Variants in SUGCT observed in about 807,000 individuals in gnomAD.
The protein encoded by SUGCT is succinyl-CoA:glutarate-CoA transferase, also known as succinyl-CoA:glutarate CoA-transferase.
SUGCT carries 41 observed loss-of-function variants against 55.0 expected under a neutral mutation model. That is an observed-to-expected ratio of 0.74 (90% CI 0.58 to 0.97). The LOEUF (loss-of-function observed/expected upper bound fraction) is 0.97. Ranked by LOEUF, SUGCT falls within the 50% of genes least tolerant of loss-of-function variation. The pLI is 0.00. For missense variants in SUGCT, 568 were observed against 547.8 expected, an observed-to-expected ratio of 1.04 and a Z score of -0.37; for synonymous variants, 187 against 200.4, an observed-to-expected ratio of 0.93 and a Z score of 0.56.
intron 13 of SUGCT, among the ~76,000 whole-genome samples, chr7:40,854,419 C>CCTTTCTTTCTTT (rs70990650): frequency 0.097 from 8,521 of 88,298 alleles, 464 homozygotes; most frequent in South Asian, 0.12. Flanking sequence ...TTCTTTCTTT[C>CCTTTCTTTCTTT]CTTTCTTTCT....
intron 13 of SUGCT, among the ~76,000 whole-genome samples, chr7:40,839,518 A>C (rs570520939): frequency 6.6e-6 from 1 of 152,232 alleles, no homozygotes; most frequent in Non-Finnish European, 1.5e-5. Context: ...ATAATTCTAC[A>C]GTGAAACCAT....
chr7:41,003,655 C>T, the SUGCT span, among the ~76,000 whole-genome samples: 3 of 152,116 alleles, frequency 2.0e-5, no homozygotes. Context: ...GACTTCAGCC[C>T]AGCCCACCCT....
chr7:40,302,426 A>T (rs1166150024), intron 8 of SUGCT, among the ~76,000 whole-genome samples: 1 of 152,202 alleles, frequency 6.6e-6, no homozygotes, highest in Non-Finnish European at 1.5e-5. Context: ...GCAATATGAA[A>T]GGTGCCTTCC....
chr7:40,632,767 T>C, intron 12 of SUGCT, among the ~76,000 whole-genome samples: 1 of 152,148 alleles, frequency 6.6e-6, no homozygotes, highest in East Asian at 1.9e-4. Context: ...AAAATAGAGA[T>C]TTAAAGTCTT....
At chr7:40,411,986 C>T (rs574388906) in intron 9 of SUGCT, among the ~76,000 whole-genome samples, 1 of 152,226 alleles carries the variant, frequency 6.6e-6, no homozygotes, top group Admixed American at 6.5e-5. Flanking sequence ...CGAGGCAGGG[C>T]ATTTTTTCCT....
At chr7:40,432,968 G>A (rs1787982478) in intron 9 of SUGCT, among the ~76,000 whole-genome samples, 1 of 151,830 alleles carries the variant, frequency 6.6e-6, no homozygotes. Context: ...TATTCTGTAA[G>A]TCCCTAGGCT....
At chr7:40,392,219 C>A (rs1054706538) in intron 9 of SUGCT, among the ~76,000 whole-genome samples, 5 of 152,102 alleles carry the variant, frequency 3.3e-5, no homozygotes, top group African/African-American at 4.8e-5. Flanking sequence ...ACCAACATGG[C>A]ACATGTATAC....
intron 7 of SUGCT, among the ~76,000 whole-genome samples, chr7:40,266,895 G>A (rs1445638684): frequency 6.6e-6 from 1 of 151,976 alleles, no homozygotes; most frequent in Non-Finnish European, 1.5e-5. Context: ...TGCATTTGTA[G>A]TCCCAAGCTA....
intron 13 of SUGCT, among the ~76,000 whole-genome samples, chr7:40,769,024 G>T (rs1339008339): frequency 6.6e-6 from 1 of 152,142 alleles, no homozygotes; most frequent in Non-Finnish European, 1.5e-5. Flanking sequence ...GGCAGAACTA[G>T]GGCTAATAAT....
chr7:40,793,779 C>A (rs139370167), intron 13 of SUGCT, among the ~76,000 whole-genome samples: 10 of 152,130 alleles, frequency 6.6e-5, no homozygotes, highest in Non-Finnish European at 1.3e-4. Context: ...TGTATGTTAA[C>A]CCTGATTACT....
At chr7:41,017,284 C>G in the SUGCT span, among the ~76,000 whole-genome samples, 1 of 152,142 alleles carries the variant, frequency 6.6e-6, no homozygotes, top group African/African-American at 2.4e-5. Context: ...ATTCACGTCT[C>G]CATATGAGCA....
chr7:40,588,466 G>T (rs1584063494), intron 12 of SUGCT, among the ~76,000 whole-genome samples: 1 of 152,112 alleles, frequency 6.6e-6, no homozygotes, highest in African/African-American at 2.4e-5. Flanking sequence ...TTATCTACAG[G>T]AGGTAAGGGG....
chr7:40,547,433 T>C (rs923662458), intron 12 of SUGCT, among the ~76,000 whole-genome samples: 1 of 152,224 alleles, frequency 6.6e-6, no homozygotes, highest in East Asian at 1.9e-4. Context: ...ATAATGGCTA[T>C]GTCTTTTTTA....
chr7:40,806,143 G>A (rs1330311653), intron 13 of SUGCT, among the ~76,000 whole-genome samples: 1 of 152,066 alleles, frequency 6.6e-6, no homozygotes, highest in Non-Finnish European at 1.5e-5. Flanking sequence ...AAGTACCTAG[G>A]GCTAGATATT....
chr7:40,641,711 G>A (rs1800277218), intron 12 of SUGCT, among the ~76,000 whole-genome samples: 1 of 152,164 alleles, frequency 6.6e-6, no homozygotes. Context: ...TGTTCCATGT[G>A]TAAAGGTTTC....
chr7:40,249,082 G>C (rs990157796), intron 7 of SUGCT, among the ~76,000 whole-genome samples: 11 of 151,780 alleles, frequency 7.2e-5, no homozygotes, highest in African/African-American at 2.7e-4. Flanking sequence ...CTTGAGCCCA[G>C]GAGTTTGAGA....
chr7:40,394,937 G>C (rs566202565), intron 9 of SUGCT, among the ~76,000 whole-genome samples: 8 of 152,256 alleles, frequency 5.3e-5, no homozygotes, highest in African/African-American at 1.9e-4. Flanking sequence ...GGACACTTAA[G>C]TTGATTCCAT....
At chr7:40,977,082 G>A in the SUGCT span, among the ~76,000 whole-genome samples, 1 of 152,176 alleles carries the variant, frequency 6.6e-6, no homozygotes, top group Non-Finnish European at 1.5e-5. Context: ...GACTAGCAAT[G>A]TTTTCACCTT....
intron 13 of SUGCT, among the ~76,000 whole-genome samples, chr7:40,806,954 C>A (rs979805798): frequency 6.6e-6 from 1 of 152,144 alleles, no homozygotes; most frequent in Non-Finnish European, 1.5e-5. Flanking sequence ...TATAAGTTTC[C>A]AGACCTATAA....
Sources: allele counts gnomAD v4.1 joint callset (sites outside exome capture counted in the v4.1 genomes callset), GRCh38; gene constraint gnomAD v4.1.1; transcripts MANE v1.5; gene names NCBI Gene and HGNC (gene_info 2026-07-23, HGNC 2026-07-21).